Variants in BMPR2 observed in about 807,000 individuals in gnomAD.
The protein encoded by BMPR2 is bone morphogenetic protein receptor type-2.
In BMPR2, 29 loss-of-function variants were observed where a neutral mutation model predicts 100.8. The ratio of observed to expected loss-of-function variants is 0.29; its 90% CI spans 0.21 to 0.39. BMPR2 has a LOEUF of 0.39. Ranked by LOEUF, BMPR2 falls within the 10% of genes least tolerant of loss-of-function variation. The pLI is 1.00. For synonymous variants in BMPR2, 382 were observed against 442.3 expected (o/e 0.86, Z 1.71); for missense variants, 1,011 against 1,274.5 (o/e 0.79, Z 3.15).
At chr2:202,535,272 C>T (rs1460564087) in intron 9 of BMPR2, among the ~76,000 whole-genome samples, 3 of 151,922 alleles carry the variant, frequency 2.0e-5, no homozygotes, top group Non-Finnish European at 4.4e-5. Flanking sequence ...GGCGGAGAGG[C>T]TCCTCACTTC....
At chr2:202,479,041 A>G (rs1368066002) in intron 3 of BMPR2, among the ~76,000 whole-genome samples, 1 of 152,186 alleles carries the variant, frequency 6.6e-6, no homozygotes, top group Admixed American at 6.6e-5. Context: ...ACCCTTGTGT[A>G]ATCCTGTCCT....
intron 1 of BMPR2, among the ~76,000 whole-genome samples, chr2:202,396,917 C>A (rs1690668452): frequency 6.6e-6 from 1 of 152,094 alleles, no homozygotes; most frequent in African/African-American, 2.4e-5. Context: ...CCTGCCTCAG[C>A]CTCCCAAGTA....
intron 3 of BMPR2, among the ~76,000 whole-genome samples, chr2:202,484,728 A>C (rs1475650462): frequency 6.6e-6 from 1 of 151,152 alleles, no homozygotes; most frequent in African/African-American, 2.4e-5. Flanking sequence ...GCACTTTGGG[A>C]GGCCGAGGCA....
At chr2:202,447,412 C>T (rs898488000) in intron 1 of BMPR2, among the ~76,000 whole-genome samples, 1 of 150,606 alleles carries the variant, frequency 6.6e-6, no homozygotes, top group Non-Finnish European at 1.5e-5. Context: ...GATTACTGGC[C>T]GGGTGCAGTG....
chr2:202,419,218 T>C (rs1433605458), intron 1 of BMPR2, among the ~76,000 whole-genome samples: 1 of 152,242 alleles, frequency 6.6e-6, no homozygotes, highest in African/African-American at 2.4e-5. Flanking sequence ...TAACATTATG[T>C]ATTTTTGTTT....
chr2:202,559,078 T>C (rs1268624894), intron 12 of BMPR2, among the ~76,000 whole-genome samples: 1 of 151,986 alleles, frequency 6.6e-6, no homozygotes, highest in Non-Finnish European at 1.5e-5. Context: ...GTCGGGCACA[T>C]TGCCTGAGCT....
Position 202,380,916 on chromosome 2 carries a change from GC to G in BMPR2, c.76+3369del, listed in dbSNP as rs1553492746. 8.5e-3 allele frequency among the ~76,000 whole-genome samples: 519 copies of G among 60,772 alleles called. 3 individuals carry two copies. The highest frequency in any genetic ancestry group is 0.016 in the Middle Eastern group (2 of 128). The allele number at this position is 60,772 out of a possible 152,430, so 39.9% of individuals were successfully genotyped here. On this transcript the variant is annotated intron_variant, in intron 1 of 12. Coordinates refer to ENST00000374580, the MANE Select transcript of BMPR2 (RefSeq NM_001204.7). Reference sequence around the variant, plus strand: ...TTATAGGTGTGGGCCACTGTGCCTGGCCCTGGCCCTGGCCCTGGCCCTGGCC... The same window carrying G: ...TTATAGGTGTGGGCCACTGTGCCTGGCCTGGCCCTGGCCCTGGCCCTGGCC...
chr2:202,480,253 C>T (rs1692633595), intron 3 of BMPR2, among the ~76,000 whole-genome samples: 1 of 152,124 alleles, frequency 6.6e-6, no homozygotes, highest in South Asian at 2.1e-4. Context: ...CTGTCTCAGC[C>T]TCCCGAGTAG....
At chr2:202,466,860 C>T (rs1173697256) in intron 2 of BMPR2, among the ~76,000 whole-genome samples, 3 of 137,398 alleles carry the variant, frequency 2.2e-5, no homozygotes, top group South Asian at 2.4e-4. Flanking sequence ...GGCTTCCCAA[C>T]GTGCTGGGAT....
intron 9 of BMPR2, among the ~76,000 whole-genome samples, chr2:202,537,477 T>C (rs1449274663): frequency 6.6e-6 from 1 of 152,122 alleles, no homozygotes; most frequent in African/African-American, 2.4e-5. Context: ...GTAGGATTAA[T>C]TAAAATAGAA....
At chr2:202,491,356 C>T (rs1391172080) in intron 3 of BMPR2, among the ~76,000 whole-genome samples, 1 of 152,080 alleles carries the variant, frequency 6.6e-6, no homozygotes, top group Non-Finnish European at 1.5e-5. Context: ...TGCTCCGAGC[C>T]CACCCTACCT....
At chr2:202,465,381 C>T (rs1344476854) in intron 2 of BMPR2, among the ~76,000 whole-genome samples, 2 of 151,900 alleles carry the variant, frequency 1.3e-5, no homozygotes, top group South Asian at 2.1e-4. Flanking sequence ...GAGCAAGACT[C>T]CATCTCAAAG....
intron 3 of BMPR2, among the ~76,000 whole-genome samples, chr2:202,497,408 CA>C (rs1693060323): frequency 1.3e-5 from 2 of 152,194 alleles, no homozygotes; most frequent in Non-Finnish European, 2.9e-5. Flanking sequence ...CCTTATTGGC[CA>C]GTTAAAAGTG....
chr2:202,497,252 C>T (rs1023667618), intron 3 of BMPR2, among the ~76,000 whole-genome samples: 13 of 152,240 alleles, frequency 8.5e-5, no homozygotes, highest in Admixed American at 2.6e-4. Flanking sequence ...CCCTGCTCCA[C>T]GGCGCCCAGT....
intron 9 of BMPR2, among the ~76,000 whole-genome samples, chr2:202,536,048 TGAGAGGGAGACCGTGGAAAGAGAGG>T (rs1362860656): frequency 2.2e-4 from 34 of 151,806 alleles, no homozygotes; most frequent in African/African-American, 5.8e-4. Context: ...CGGCTCGGCA[TGAGAGGGAGACCGTGGAAAGAGAGG>T]GAGAGGGAGA....
intron 9 of BMPR2, among the ~76,000 whole-genome samples, chr2:202,540,951 G>A (rs1688258227): frequency 6.6e-6 from 1 of 152,082 alleles, no homozygotes; most frequent in South Asian, 2.1e-4. Flanking sequence ...AGATCATTGA[G>A]TGTTGGTCCC....
intron 3 of BMPR2, chr2:202,469,634 ACAC>A: frequency 5.7e-6 from 1 of 174,866 alleles, no homozygotes; most frequent in Admixed American, 6.0e-5. Context: ...GTCTGCCACC[ACAC>A]CCAGCTAATT....
At chr2:202,520,651 G>C (rs972309973) in intron 7 of BMPR2, 5 of 210,860 alleles carry the variant, frequency 2.4e-5, no homozygotes, top group Non-Finnish European at 4.8e-5. Context: ...TGCCCCACAA[G>C]ACCAAGCAAG....
At chr2:202,430,291 G>T (rs1055088061) in intron 1 of BMPR2, among the ~76,000 whole-genome samples, 2 of 152,184 alleles carry the variant, frequency 1.3e-5, no homozygotes, top group Non-Finnish European at 2.9e-5. Context: ...CAGTTCAGTT[G>T]TAGCAGTATG....
Sources: allele counts gnomAD v4.1 joint callset (sites outside exome capture counted in the v4.1 genomes callset), GRCh38; gene constraint gnomAD v4.1.1; transcripts MANE v1.5; gene names NCBI Gene and HGNC (gene_info 2026-07-23, HGNC 2026-07-21).